Variants in SEMA3A observed in about 807,000 individuals in gnomAD.
SEMA3A encodes the protein semaphorin 3A.
SEMA3A carries 29 observed loss-of-function variants against 97.9 expected under a neutral mutation model. The ratio of observed to expected loss-of-function variants is 0.30; its 90% CI spans 0.22 to 0.40. SEMA3A has a LOEUF of 0.40. SEMA3A is among the 10% of genes least tolerant of loss of function. SEMA3A has a pLI of 1.00. For synonymous variants in SEMA3A, 321 were observed against 323.7 expected, an observed-to-expected ratio of 0.99 and a Z score of 0.09; for missense variants, 763 against 951.3, an observed-to-expected ratio of 0.80 and a Z score of 2.60.
intron 1 of SEMA3A, among the ~76,000 whole-genome samples, chr7:84,143,644 C>G (rs1206709705): frequency 6.6e-6 from 1 of 151,322 alleles, no homozygotes; most frequent in Non-Finnish European, 1.5e-5. Flanking sequence ...TTGCTTGAGA[C>G]CAGGAGTTCC....
At chr7:84,221,763 TA>T (rs1359819257) in intron 3 of SEMA3A, among the ~76,000 whole-genome samples, 2 of 151,968 alleles carry the variant, frequency 1.3e-5, no homozygotes, top group African/African-American at 4.8e-5. Flanking sequence ...AAAACAATTA[TA>T]ATAGTAACAT....
intron 1 of SEMA3A, among the ~76,000 whole-genome samples, chr7:84,463,451 T>C (rs982445829): frequency 6.6e-6 from 1 of 151,970 alleles, no homozygotes; most frequent in African/African-American, 2.4e-5. Flanking sequence ...GGTTTCACCG[T>C]GTTAGCCAGG....
chr7:84,460,847 T>G (rs574979088), intron 1 of SEMA3A, among the ~76,000 whole-genome samples: 1 of 152,234 alleles, frequency 6.6e-6, no homozygotes, highest in South Asian at 2.1e-4. Flanking sequence ...TGGGTTCAGG[T>G]GTTATTTTGT....
chr7:84,459,987 A>G (rs1299145627), intron 1 of SEMA3A, among the ~76,000 whole-genome samples: 1 of 152,176 alleles, frequency 6.6e-6, no homozygotes, highest in Non-Finnish European at 1.5e-5. Flanking sequence ...AGATAGCATC[A>G]CTGCATTGCA....
At chr7:83,993,331 G>C (rs1200391050) in intron 12 of SEMA3A, among the ~76,000 whole-genome samples, 7 of 148,456 alleles carry the variant, frequency 4.7e-5, no homozygotes, top group Admixed American at 4.0e-4. Context: ...AGTTAATATT[G>C]TTATGTGTGA....
At chr7:84,009,786 A>G (rs537136241) in intron 9 of SEMA3A, among the ~76,000 whole-genome samples, 1 of 151,836 alleles carries the variant, frequency 6.6e-6, no homozygotes, top group African/African-American at 2.4e-5. Flanking sequence ...AGAGGAAGAG[A>G]GAGAAAGAGA....
At position 84,005,323 on chromosome 7, in the gene SEMA3A, A is replaced by G; in HGVS notation, c.1360+16T>C. On this transcript the variant is annotated intron_variant, in intron 11 of 16. Coordinates refer to ENST00000265362, the MANE Select transcript of SEMA3A (RefSeq NM_006080.3). The stretch of plus-strand genomic sequence containing the variant: ...GTGTTCGGAAAAAAGTTTACAGCTG[A>G]AATTTAAAAATTTACCTGTTCCGAT... The G allele has an allele frequency of 6.3e-7, 1 of 1,593,528 alleles. No homozygotes were observed. The highest frequency in any genetic ancestry group is 8.6e-7 in the Non-Finnish European group (1 of 1,161,686).
intron 1 of SEMA3A, among the ~76,000 whole-genome samples, chr7:84,417,507 C>T (rs1804467878): frequency 6.6e-6 from 1 of 152,028 alleles, no homozygotes; most frequent in Non-Finnish European, 1.5e-5. Flanking sequence ...TTCCATATAA[C>T]ATCAATGACA....
At chr7:84,232,689 C>T (rs1049435547) in intron 3 of SEMA3A, among the ~76,000 whole-genome samples, 1 of 151,904 alleles carries the variant, frequency 6.6e-6, no homozygotes, top group Non-Finnish European at 1.5e-5. Context: ...AAGACGTTTT[C>T]CTTCTAATTT....
At chr7:84,046,518 A>T in intron 5 of SEMA3A, 75 bp from the exon 6 acceptor site, 1 of 1,548,654 alleles carries the variant, frequency 6.5e-7, no homozygotes. Context: ...AAACAAACAA[A>T]ATGCAAGTTT....
Position 84,456,219 on chromosome 7 carries a change from A to T in SEMA3A, c.-246+36241T>A, listed in dbSNP as rs189226694. 5.9e-4 allele frequency among the ~76,000 whole-genome samples: 89 copies of T among 152,060 alleles called. 1 individual carries two copies. Among genetic ancestry groups the T allele is most frequent in the African/African-American group, 2.0e-3 (85 of 41,552 alleles). ...TTTAAATCCTCTGTGCTTATAAAGA[A>T]ATGCTTATAAAAATAAATTAGATAT... On this transcript the variant is annotated intron_variant, in intron 1 of 3. Transcript: ENST00000424555.
chr7:84,103,399 A>C (rs1266909387), intron 4 of SEMA3A, among the ~76,000 whole-genome samples: 2 of 152,162 alleles, frequency 1.3e-5, no homozygotes, highest in East Asian at 3.9e-4. Flanking sequence ...CTAAAATTTT[A>C]AATTAAAAAA....
In SEMA3A at chr7:84,470,927, T is replaced by C. The variant is rs867444446; in HGVS notation, c.-246+21533A>G. Among the ~76,000 whole-genome samples the C allele has an allele frequency of 3.3e-5, 5 of 152,184 alleles. No homozygotes were observed. The South Asian group carries it at 1.0e-3, about 32-fold the overall frequency. On this transcript the variant is annotated intron_variant, in intron 1 of 3. Transcript: ENST00000424555. ...TTGGGTCAGAGGGAAAAATAGATTA[T>C]GATTCTCTACTGGCTTGCAACCAGT... is the stretch of plus-strand genomic sequence containing the variant.
At chr7:84,054,463 A>T (rs1353870210) in intron 5 of SEMA3A, among the ~76,000 whole-genome samples, 2 of 151,844 alleles carry the variant, frequency 1.3e-5, no homozygotes, top group East Asian at 1.9e-4. Flanking sequence ...TTCATCTTCC[A>T]TCGCTGATAC....
At chr7:84,026,992 CTAAAA>C (rs916611999) in intron 6 of SEMA3A, among the ~76,000 whole-genome samples, 13 of 151,912 alleles carry the variant, frequency 8.6e-5, no homozygotes, top group Middle Eastern at 3.4e-3. Context: ...ACCCCCAAAC[CTAAAA>C]TAAAAGTTAA....
intron 12 of SEMA3A, among the ~76,000 whole-genome samples, chr7:83,995,273 C>T (rs147270472): frequency 2.0e-5 from 3 of 152,114 alleles, no homozygotes; most frequent in Non-Finnish European, 2.9e-5. Context: ...AAATCACTGT[C>T]TTCTGCGTCG....
chr7:84,149,376 G>A (rs980988398), intron 1 of SEMA3A, among the ~76,000 whole-genome samples: 1 of 152,152 alleles, frequency 6.6e-6, no homozygotes, highest in Non-Finnish European at 1.5e-5. Flanking sequence ...TAAATATTAT[G>A]TGAGCCAGGT....
chr7:84,195,118 C>G (rs1021329602), upstream of SEMA3A: 7 of 152,160 alleles, frequency 4.6e-5, no homozygotes, highest in African/African-American at 1.7e-4. Flanking sequence ...ATCCCACAGA[C>G]AGGTTTCCCC....
chr7:84,248,254 C>T (rs1338366243), intron 3 of SEMA3A, among the ~76,000 whole-genome samples: 2 of 152,118 alleles, frequency 1.3e-5, no homozygotes, highest in Non-Finnish European at 2.9e-5. Flanking sequence ...TTTAGCTTGT[C>T]CTTTAAAGTG....
Sources: allele counts gnomAD v4.1 joint callset (sites outside exome capture counted in the v4.1 genomes callset), GRCh38; gene constraint gnomAD v4.1.1; transcripts MANE v1.5; gene names NCBI Gene and HGNC (gene_info 2026-07-23, HGNC 2026-07-21).